The following GALM variants were observed in gnomAD, a reference collection of about 807,000 sequenced individuals.
The protein encoded by GALM is galactose mutarotase, also known as aldose 1-epimerase.
GALM carries 43 observed loss-of-function variants against 37.4 expected under a neutral mutation model. The ratio of observed to expected loss-of-function variants is 1.15; its 90% CI spans 0.90 to 1.48. The LOEUF (loss-of-function observed/expected upper bound fraction) is 1.48, where lower values mean the gene tolerates loss of function less well. GALM is among the 40% of genes most tolerant of loss of function. The probability of loss-of-function intolerance (pLI) is 0.00; values close to 1 mark genes in which losing one functional copy is unlikely to be tolerated. For missense variants in GALM, 456 were observed against 419.1 expected, an observed-to-expected ratio of 1.09 and a Z score of -0.77; for synonymous variants, 199 against 170.6, an observed-to-expected ratio of 1.17 and a Z score of -1.30.
intron 4 of GALM, among the ~76,000 whole-genome samples, chr2:38,713,147 C>A (rs1666204619): frequency 6.6e-6 from 1 of 152,178 alleles, no homozygotes; most frequent in Admixed American, 6.5e-5. Context: ...CATGGGCTCC[C>A]TAATCACACC....
intron 4 of GALM, among the ~76,000 whole-genome samples, chr2:38,729,166 G>GTT: frequency 6.8e-6 from 1 of 148,092 alleles, no homozygotes; most frequent in East Asian, 2.0e-4. Flanking sequence ...TTATTTGAGG[G>GTT]TTTTTTTTTT....
intron 4 of GALM, among the ~76,000 whole-genome samples, chr2:38,716,539 T>C (rs1666273406): frequency 6.6e-6 from 1 of 152,246 alleles, no homozygotes; most frequent in Non-Finnish European, 1.5e-5. Flanking sequence ...CTTCAGAGGC[T>C]CTGGGAACAT....
At chr2:38,711,947 G>A (rs528956651) in intron 4 of GALM, among the ~76,000 whole-genome samples, 5 of 151,718 alleles carry the variant, frequency 3.3e-5, no homozygotes, top group South Asian at 2.1e-4. Flanking sequence ...ATGTTGTAGG[G>A]GCTGTTGTTA....
At chr2:38,707,486 G>A (rs781471668) in intron 4 of GALM, among the ~76,000 whole-genome samples, 5 of 152,194 alleles carry the variant, frequency 3.3e-5, no homozygotes, top group African/African-American at 9.7e-5. Context: ...GTGACCAACA[G>A]TGTCAATACT....
intron 4 of GALM, among the ~76,000 whole-genome samples, chr2:38,717,157 G>C (rs1260135121): frequency 6.6e-6 from 1 of 152,016 alleles, no homozygotes; most frequent in Admixed American, 6.6e-5. Flanking sequence ...GGCCGAGGCA[G>C]GAGAATCGTT....
chr2:38,688,372 G>A lies in GALM; in HGVS notation c.553-1441G>A, dbSNP rs190259057. Among the ~76,000 whole-genome samples the A allele has an allele frequency of 2.1e-3, 323 of 152,146 alleles. 2 individuals are homozygous for A. Among genetic ancestry groups the A allele is most frequent in the Non-Finnish European group, 3.6e-3 (246 of 68,012 alleles). On this transcript the variant is annotated intron_variant, in intron 3 of 6. Coordinates refer to ENST00000272252, the MANE Select transcript of GALM (RefSeq NM_138801.3). ...ACTAAAAATACAAAATTAGCCAGAC[G>A]TGGTGGTGCATGCCTGTAATCCCAG...
chr2:38,687,024 C>G (rs994433666), intron 3 of GALM, among the ~76,000 whole-genome samples: 1 of 152,214 alleles, frequency 6.6e-6, no homozygotes, highest in Non-Finnish European at 1.5e-5. Flanking sequence ...CCACCAAGGC[C>G]TGGAACCCAA....
At chr2:38,714,846 A>G (rs1213640969) in intron 4 of GALM, among the ~76,000 whole-genome samples, 1 of 152,246 alleles carries the variant, frequency 6.6e-6, no homozygotes, top group Non-Finnish European at 1.5e-5. Context: ...ATTGGAAATA[A>G]AAGAGTAAGA....
chr2:38,705,783 C>T (rs142923885), intron 4 of GALM, among the ~76,000 whole-genome samples: 16 of 152,296 alleles, frequency 1.1e-4, no homozygotes, highest in African/African-American at 3.6e-4. Flanking sequence ...TTGCCCAGCC[C>T]TACAGTTGGG....
intron 4 of GALM, among the ~76,000 whole-genome samples, chr2:38,695,093 C>T (rs1293886205): frequency 6.6e-6 from 1 of 151,948 alleles, no homozygotes; most frequent in East Asian, 1.9e-4. Context: ...TTGGTCATCT[C>T]TGTTGAAAAT....
At chr2:38,690,849 T>G (rs1027339872) in intron 4 of GALM, among the ~76,000 whole-genome samples, 11 of 152,158 alleles carry the variant, frequency 7.2e-5, no homozygotes, top group Non-Finnish European at 1.6e-4. Flanking sequence ...CAGCAGGCAT[T>G]AGGAACTCCC....
chr2:38,715,099 T>C (rs187187054), intron 4 of GALM, among the ~76,000 whole-genome samples: 115 of 152,362 alleles, frequency 7.5e-4, no homozygotes, highest in African/African-American at 2.7e-3. Flanking sequence ...TGATCCTTTT[T>C]ATCATTATGT....
intron 4 of GALM, among the ~76,000 whole-genome samples, chr2:38,702,039 A>G (rs1423021117): frequency 6.6e-6 from 1 of 152,138 alleles, no homozygotes; most frequent in Non-Finnish European, 1.5e-5. Flanking sequence ...ATTGTTGGTT[A>G]TATAACTCCA....
At chr2:38,701,832 G>A (rs188084922) in intron 4 of GALM, among the ~76,000 whole-genome samples, 455 of 152,202 alleles carry the variant, frequency 3.0e-3, no homozygotes, top group African/African-American at 0.01. Flanking sequence ...TAGCATTTGG[G>A]TGTTAATCTT....
chr2:38,718,380 G>C (rs989849768), intron 4 of GALM, among the ~76,000 whole-genome samples: 1 of 150,632 alleles, frequency 6.6e-6, no homozygotes, highest in African/African-American at 2.4e-5. Context: ...TGTATTTTCA[G>C]TAGAGACGGG....
intron 4 of GALM, among the ~76,000 whole-genome samples, chr2:38,718,867 A>G (rs1031556420): frequency 6.6e-6 from 1 of 151,890 alleles, no homozygotes; most frequent in Non-Finnish European, 1.5e-5. Flanking sequence ...ATGACTTCAG[A>G]TCATGAGAAA....
intron 4 of GALM, among the ~76,000 whole-genome samples, chr2:38,712,313 G>A (rs559902536): frequency 5.3e-5 from 8 of 152,166 alleles, no homozygotes; most frequent in Non-Finnish European, 1.2e-4. Flanking sequence ...AAGCCCTGAT[G>A]GTGCATATCT....
At chr2:38,684,667 C>T (rs940378622) in intron 3 of GALM, among the ~76,000 whole-genome samples, 10 of 152,134 alleles carry the variant, frequency 6.6e-5, no homozygotes, top group African/African-American at 1.7e-4. Context: ...ATTAGCTGGG[C>T]GTTGTGGTAG....
chr2:38,715,361 G>A (rs1375875171), intron 4 of GALM, among the ~76,000 whole-genome samples: 1 of 152,220 alleles, frequency 6.6e-6, no homozygotes, highest in Non-Finnish European at 1.5e-5. Context: ...CTAAAAATGG[G>A]AGAGTTCAGT....
Sources: gnomAD v4.1 joint callset for allele counts (sites outside exome capture counted in the v4.1 genomes callset) on GRCh38, gnomAD v4.1.1 for gene constraint, MANE v1.5 for transcripts, NCBI Gene and HGNC (gene_info 2026-07-23, HGNC 2026-07-21) for gene names.